Variants in WDPCP observed in about 807,000 individuals in gnomAD.
The protein encoded by WDPCP is WD repeat-containing and planar cell polarity effector protein fritz homolog.
Under a neutral mutation model 93.1 loss-of-function variants are expected in WDPCP, and 71 were observed. The observed-to-expected ratio is 0.76, with a 90% CI of 0.63 to 0.93. WDPCP has a LOEUF of 0.93. Among genes scored for constraint, WDPCP ranks in the 40% least tolerant of loss-of-function variants. The pLI, the probability that WDPCP is intolerant of heterozygous loss-of-function variation, is 0.00. For synonymous variants in WDPCP, 315 were observed against 315.0 expected (o/e 1.00, Z 0.00); for missense variants, 844 against 887.4 (o/e 0.95, Z 0.62).
At chr2:63,505,389 G>A (rs776040486) in intron 1 of WDPCP, among the ~76,000 whole-genome samples, 11 of 151,872 alleles carry the variant, frequency 7.2e-5, no homozygotes, top group African/African-American at 2.2e-4. Context: ...CAATTTCGCC[G>A]TACTATATTT....
At chr2:63,397,287 T>G (rs1203402496) in intron 10 of WDPCP, among the ~76,000 whole-genome samples, 2 of 152,152 alleles carry the variant, frequency 1.3e-5, no homozygotes, top group Non-Finnish European at 2.9e-5. Context: ...ACTTTTGACT[T>G]GGACGTTCCA....
chr2:63,760,377 G>A (rs993242507), intron 2 of WDPCP, among the ~76,000 whole-genome samples: 6 of 151,846 alleles, frequency 4.0e-5, no homozygotes, highest in African/African-American at 1.2e-4. Flanking sequence ...AACACAGAGC[G>A]TTTACACACG....
At chr2:63,465,018 T>C (rs1015506811) in intron 6 of WDPCP, among the ~76,000 whole-genome samples, 9 of 152,080 alleles carry the variant, frequency 5.9e-5, no homozygotes, top group Non-Finnish European at 1.0e-4. Context: ...AGATGGGCAA[T>C]TGTGTTTTAA....
chr2:63,824,073 T>C (rs1206931363), intron 1 of WDPCP, among the ~76,000 whole-genome samples: 2 of 152,108 alleles, frequency 1.3e-5, no homozygotes, highest in African/African-American at 2.4e-5. Flanking sequence ...AATTCTCACA[T>C]GTCAAGGGAG....
chr2:63,687,798 A>G (rs1291929380), intron 2 of WDPCP, among the ~76,000 whole-genome samples: 3 of 152,216 alleles, frequency 2.0e-5, no homozygotes, highest in African/African-American at 7.2e-5. Context: ...AAAACAAAAA[A>G]TAAAGCTACT....
intron 13 of WDPCP, among the ~76,000 whole-genome samples, chr2:63,277,609 A>G (rs1020909899): frequency 2.0e-5 from 3 of 152,230 alleles, no homozygotes; most frequent in Admixed American, 6.5e-5. Flanking sequence ...AGCTATTTTT[A>G]TATCAGACAA....
chr2:63,755,581 C>T (rs1669955219), intron 2 of WDPCP, among the ~76,000 whole-genome samples: 1 of 152,140 alleles, frequency 6.6e-6, no homozygotes, highest in Non-Finnish European at 1.5e-5. Context: ...TCTTTATGTA[C>T]CCAAACCTAC....
intron 6 of WDPCP, among the ~76,000 whole-genome samples, chr2:63,455,366 G>A (rs542838896): frequency 3.3e-5 from 5 of 150,392 alleles, no homozygotes; most frequent in East Asian, 2.0e-4. Context: ...TTTAAAAACC[G>A]TGATCCAACA....
intron 15 of WDPCP, among the ~76,000 whole-genome samples, chr2:63,174,135 A>G (rs1673616083): frequency 6.6e-6 from 1 of 152,146 alleles, no homozygotes; most frequent in Admixed American, 6.5e-5. Flanking sequence ...CTTGCTTGAG[A>G]GAATCATTAT....
chr2:63,509,552 TAACA>T (rs1702093532), intron 1 of WDPCP, among the ~76,000 whole-genome samples: 2 of 151,974 alleles, frequency 1.3e-5, no homozygotes, highest in African/African-American at 2.4e-5. Context: ...ATTCAAAAGC[TAACA>T]GAAGACAAGA....
At chr2:63,514,789 G>T (rs944339359) in intron 1 of WDPCP, among the ~76,000 whole-genome samples, 8 of 152,186 alleles carry the variant, frequency 5.3e-5, no homozygotes, top group African/African-American at 1.9e-4. Flanking sequence ...TGGATAGAGA[G>T]AGAGTGATAG....
intron 6 of WDPCP, among the ~76,000 whole-genome samples, chr2:63,471,292 T>G (rs532688746): frequency 2.0e-5 from 3 of 152,330 alleles, no homozygotes; most frequent in Admixed American, 2.0e-4. Flanking sequence ...CCCTACCCTT[T>G]CTGGATCATA....
chr2:63,800,688 A>T (rs1670682393), intron 2 of WDPCP, among the ~76,000 whole-genome samples: 1 of 152,226 alleles, frequency 6.6e-6, no homozygotes, highest in Non-Finnish European at 1.5e-5. Context: ...CTTATAGGTA[A>T]CACTAAGTGC....
intron 14 of WDPCP, among the ~76,000 whole-genome samples, chr2:63,223,754 C>G (rs564967852): frequency 1.3e-5 from 2 of 152,084 alleles, no homozygotes; most frequent in Non-Finnish European, 2.9e-5. Context: ...ATTTTAATCA[C>G]ATAGATATCC....
chr2:63,818,863 T>C (rs1011690848), intron 1 of WDPCP, among the ~76,000 whole-genome samples: 10 of 152,160 alleles, frequency 6.6e-5, no homozygotes, highest in African/African-American at 2.2e-4. Context: ...GAAAGGCATA[T>C]ATGAGCTTCT....
intron 1 of WDPCP, among the ~76,000 whole-genome samples, chr2:63,814,524 G>A (rs1359775636): frequency 6.6e-6 from 1 of 152,118 alleles, no homozygotes; most frequent in Non-Finnish European, 1.5e-5. Flanking sequence ...ATGCCAGAAG[G>A]CACCTAACTC....
At chr2:63,655,434 A>G (rs962768945) in intron 2 of WDPCP, among the ~76,000 whole-genome samples, 1 of 151,662 alleles carries the variant, frequency 6.6e-6, no homozygotes, top group African/African-American at 2.4e-5. Context: ...ATATATATAT[A>G]TTTAAATAAC....
intron 2 of WDPCP, among the ~76,000 whole-genome samples, chr2:63,783,045 A>G (rs1031730207): frequency 6.6e-6 from 1 of 152,140 alleles, no homozygotes; most frequent in Non-Finnish European, 1.5e-5. Context: ...TCAAAGAGCT[A>G]AAGATAGAAC....
At chr2:63,673,509 C>G (rs1195485540) in intron 2 of WDPCP, among the ~76,000 whole-genome samples, 1 of 152,138 alleles carries the variant, frequency 6.6e-6, no homozygotes, top group Non-Finnish European at 1.5e-5. Flanking sequence ...CCCCATCAGG[C>G]AGGAATGGCC....
Sources: gnomAD v4.1 joint callset for allele counts (sites outside exome capture counted in the v4.1 genomes callset) on GRCh38, gnomAD v4.1.1 for gene constraint, MANE v1.5 for transcripts, NCBI Gene and HGNC (gene_info 2026-07-23, HGNC 2026-07-21) for gene names.